Variants in POLD3 observed in about 807,000 individuals in gnomAD.
The protein encoded by POLD3 is DNA polymerase delta subunit 3.
POLD3 carries 19 observed loss-of-function variants against 58.2 expected under a neutral mutation model. The ratio of observed to expected loss-of-function variants is 0.33; its 90% confidence interval spans 0.23 to 0.48. The LOEUF is 0.48. Ranked by LOEUF, POLD3 falls within the 20% of genes least tolerant of loss-of-function variation. POLD3 has a pLI of 0.99. For missense variants in POLD3, 504 were observed against 545.5 expected (o/e 0.92, Z 0.76); for synonymous variants, 172 against 193.5 (o/e 0.89, Z 0.92).
At chr11:74,634,440 T>C (rs2032685826) in intron 9 of POLD3, 143 bp from the exon 10 acceptor site, 1 of 531,774 alleles carries the variant, frequency 1.9e-6, no homozygotes, top group Non-Finnish European at 3.4e-6. Flanking sequence ...GATAACTATA[T>C]AACTACAGAG....
chr11:74,641,522 T>C lies in POLD3; in HGVS notation c.*756T>C. The C allele has an allele frequency of 1.0e-6, 1 of 985,418 alleles. No individual in the cohort carries two copies. Among genetic ancestry groups the C allele is most frequent in the Non-Finnish European group, 1.2e-6 (1 of 829,908 alleles). The allele number at this position is 985,418 out of a possible 1,614,324, so 61.0% of individuals were successfully genotyped here. A position where few individuals can be genotyped will look rare whatever the true frequency, so the allele number is the denominator to read the frequency against. ...TTACCTCGAGTCAGCATTGACGATA[T>C]TGGAGGAGCTGCCGTGCTGCTGATA... On this transcript the variant is annotated 3_prime_UTR_variant, in exon 12 of 12. Coordinates refer to ENST00000263681, the MANE Select transcript of POLD3 (RefSeq NM_006591.3).
downstream of POLD3, among the ~76,000 whole-genome samples, chr11:74,644,157 A>G (rs750863100): frequency 1.3e-5 from 2 of 152,204 alleles, no homozygotes; most frequent in Non-Finnish European, 2.9e-5. Context: ...TTAAGAAGAC[A>G]TTAGTTATTA....
At chr11:74,646,044 T>C (rs1304482370), downstream of POLD3, among the ~76,000 whole-genome samples, 1 of 152,030 alleles carries the variant, frequency 6.6e-6, no homozygotes, top group Non-Finnish European at 1.5e-5. Context: ...GTTCAAGCGA[T>C]TCTCTGCAAC....
At chr11:74,601,903 C>G (rs1361901480) in intron 2 of POLD3, among the ~76,000 whole-genome samples, 1 of 152,024 alleles carries the variant, frequency 6.6e-6, no homozygotes, top group African/African-American at 2.4e-5. Context: ...CTGAGAAGAG[C>G]CTTCTAGGCA....
At chr11:74,595,829 G>A (rs1230342886) in intron 2 of POLD3, among the ~76,000 whole-genome samples, 1 of 152,156 alleles carries the variant, frequency 6.6e-6, no homozygotes, top group Non-Finnish European at 1.5e-5. Flanking sequence ...TGTTTCCCAT[G>A]CTGGTCCCAG....
intron 2 of POLD3, among the ~76,000 whole-genome samples, chr11:74,594,328 A>C (rs532985514): frequency 6.6e-6 from 1 of 152,324 alleles, no homozygotes; most frequent in South Asian, 2.1e-4. Context: ...TTGCACGTCC[A>C]TCTTATATGA....
intron 2 of POLD3, among the ~76,000 whole-genome samples, chr11:74,602,099 A>G (rs1315603522): frequency 1.3e-5 from 2 of 151,396 alleles, no homozygotes; most frequent in Non-Finnish European, 2.9e-5. Context: ...GCTTTGTTAC[A>G]CTTTTTTTTT....
At chr11:74,645,940 GT>G (rs779871745), downstream of POLD3, among the ~76,000 whole-genome samples, 607 of 142,038 alleles carry the variant, frequency 4.3e-3, 3 homozygotes, top group African/African-American at 0.01. Context: ...GATGATTGAT[GT>G]TTTTTTTTTT....
chr11:74,603,296 CAA>C (rs2135123157), intron 2 of POLD3, among the ~76,000 whole-genome samples: 1 of 152,188 alleles, frequency 6.6e-6, no homozygotes, highest in South Asian at 2.1e-4. Context: ...ATAGTCTAGT[CAA>C]GAGATTTGGA....
At chr11:74,653,490 T>G (rs531519377) in intron 4 of POLD3, among the ~76,000 whole-genome samples, 30 of 152,320 alleles carry the variant, frequency 2.0e-4, no homozygotes, top group African/African-American at 7.0e-4. Flanking sequence ...AACTTAACTG[T>G]TTTAAGTTAA....
At position 74,618,537 on chromosome 11, in the gene POLD3, A is replaced by G; in HGVS notation, c.393A>G (p.Lys131=). 6.2e-7 allele frequency: 1 copy of G among 1,605,094 alleles called. No individual in the cohort carries two copies. Among genetic ancestry groups the G allele is most frequent in the Non-Finnish European group, 8.5e-7 (1 of 1,173,480 alleles). Reference sequence around the variant, plus strand: ...CTTAATGTAACATTTCTGTCCCCAGATTTAGTGCTATACAATGTGCAGCTG... The same window carrying G: ...CTTAATGTAACATTTCTGTCCCCAGGTTTAGTGCTATACAATGTGCAGCTG... The part of the protein sequence containing the change: ...ILKSNLQNCS[K]FSAIQCAAAV... Residue 131 remains lysine (K), a splice_region_variant and synonymous_variant, in exon 6 of 12, where the codon AAA becomes AAG. Coordinates refer to ENST00000263681, the MANE Select transcript of POLD3 (RefSeq NM_006591.3).
chr11:74,656,568 C>T (rs1343011431), intron 4 of POLD3, among the ~76,000 whole-genome samples: 1 of 150,310 alleles, frequency 6.7e-6, no homozygotes, highest in Non-Finnish European at 1.5e-5. Flanking sequence ...GCCTGGACGA[C>T]AGAATGAGAC....
chr11:74,668,740 A>T (rs1285410710), intron 4 of POLD3: 1 of 1,271,994 alleles, frequency 7.9e-7, no homozygotes, highest in Non-Finnish European at 1.0e-6. Flanking sequence ...AAGGGAAGAT[A>T]TATAGAGTTT....
At chr11:74,621,005 G>A (rs1186219013) in intron 7 of POLD3, among the ~76,000 whole-genome samples, 2 of 151,444 alleles carry the variant, frequency 1.3e-5, no homozygotes, top group Admixed American at 1.3e-4. Context: ...GAACGTTTTT[G>A]TGTTCTTGCA....
chr11:74,599,016 A>G (rs920700207), intron 2 of POLD3, among the ~76,000 whole-genome samples: 1 of 152,210 alleles, frequency 6.6e-6, no homozygotes, highest in Non-Finnish European at 1.5e-5. Flanking sequence ...ATACATACTG[A>G]ATGAATACCA....
At chr11:74,620,922 G>T (rs1376191964) in intron 7 of POLD3, among the ~76,000 whole-genome samples, 1 of 123,238 alleles carries the variant, frequency 8.1e-6, no homozygotes, top group Non-Finnish European at 1.6e-5. Context: ...GGATTGAAGT[G>T]ACTTTTTTTT....
intron 3 of POLD3, among the ~76,000 whole-genome samples, chr11:74,606,613 T>C (rs1360759623): frequency 6.6e-6 from 1 of 152,170 alleles, no homozygotes; most frequent in Non-Finnish European, 1.5e-5. Flanking sequence ...TTTGAGATAA[T>C]GTAGATTTTT....
intron 5 of POLD3, among the ~76,000 whole-genome samples, chr11:74,614,184 T>C (rs1591300648): frequency 6.6e-6 from 1 of 152,232 alleles, no homozygotes; most frequent in Non-Finnish European, 1.5e-5. Context: ...CTGAGAGCGC[T>C]GGGGAGCCAC....
In POLD3 at chr11:74,625,544, T is replaced by C; in HGVS notation, c.870T>C (p.Pro290=). ...GLKKSSKKAE[P]VKVLQKEKKR... is the part of the protein sequence containing the mutation. The stretch of plus-strand genomic sequence containing the variant: ...AAAAATCCAGCAAAAAAGCAGAGCC[T>C]GTTAAGGTGCTGCAGAAGGAAAAAA... Residue 290 remains proline, a synonymous_variant, in exon 8 of 12, where the codon CCT becomes CCC. Coordinates refer to ENST00000263681, the MANE Select transcript of POLD3 (RefSeq NM_006591.3). The C allele has an allele frequency of 1.2e-6, 2 of 1,610,728 alleles. No homozygotes were observed. Among genetic ancestry groups the C allele is most frequent in the Non-Finnish European group, 8.5e-7 (1 of 1,179,048 alleles).
Sources: allele counts gnomAD v4.1 joint callset (sites outside exome capture counted in the v4.1 genomes callset), GRCh38; gene constraint gnomAD v4.1.1; transcripts MANE v1.5; gene names NCBI Gene and HGNC (gene_info 2026-07-23, HGNC 2026-07-21).